The following BMPR1B variants were observed in gnomAD, a reference collection of about 807,000 sequenced individuals.
The protein encoded by BMPR1B is bone morphogenetic protein receptor type 1B, also known as bone morphogenetic protein receptor type-1B.
A neutral mutation model predicts 59.1 loss-of-function variants in BMPR1B; 12 were observed. That is an observed-to-expected ratio of 0.20 (90% CI 0.13 to 0.33). BMPR1B has a LOEUF of 0.33. Among genes scored for constraint, BMPR1B ranks in the 10% least tolerant of loss-of-function variants. BMPR1B has a pLI of 1.00. For synonymous variants in BMPR1B, 237 were observed against 207.3 expected (o/e 1.14, Z -1.23); for missense variants, 550 against 610.9 (o/e 0.90, Z 1.05).
intron 1 of BMPR1B, among the ~76,000 whole-genome samples, chr4:94,793,343 G>A (rs935700575): frequency 1.3e-5 from 2 of 151,754 alleles, no homozygotes; most frequent in African/African-American, 4.8e-5. Flanking sequence ...CAAAGGACAT[G>A]AACTCATCAT....
At chr4:94,846,951 G>A (rs1016139869) in intron 1 of BMPR1B, among the ~76,000 whole-genome samples, 5 of 152,126 alleles carry the variant, frequency 3.3e-5, no homozygotes, top group East Asian at 1.9e-4. Context: ...TGGACAAATG[G>A]CATTATATCA....
chr4:94,902,313 AC>A (rs1727864600), intron 2 of BMPR1B, among the ~76,000 whole-genome samples: 1 of 149,328 alleles, frequency 6.7e-6, no homozygotes, highest in Non-Finnish European at 1.5e-5. Context: ...AAAAAAACAA[AC>A]TGGAAATAAT....
intron 1 of BMPR1B, among the ~76,000 whole-genome samples, chr4:94,759,031 G>A (rs1256659810): frequency 6.6e-6 from 1 of 152,144 alleles, no homozygotes; most frequent in Non-Finnish European, 1.5e-5. Context: ...TCCAGGCTCC[G>A]TGTTTCCGCC....
intron 1 of BMPR1B, among the ~76,000 whole-genome samples, chr4:94,872,588 A>G (rs1305437521): frequency 6.6e-6 from 1 of 152,168 alleles, no homozygotes; most frequent in Non-Finnish European, 1.5e-5. Flanking sequence ...TTCTTTTATT[A>G]TCAAAGAAAA....
chr4:94,911,586 C>T (rs1168125319), intron 2 of BMPR1B, among the ~76,000 whole-genome samples: 2 of 152,124 alleles, frequency 1.3e-5, no homozygotes, highest in Non-Finnish European at 2.9e-5. Flanking sequence ...GAAAATTTTA[C>T]TGACCTCATG....
At chr4:95,150,594 C>T (rs756194401) in intron 11 of BMPR1B, among the ~76,000 whole-genome samples, 1 of 152,008 alleles carries the variant, frequency 6.6e-6, no homozygotes, top group Non-Finnish European at 1.5e-5. Context: ...CTAAAACAAA[C>T]AGGGCTACAG....
chr4:94,810,009 A>G (rs995009992), intron 1 of BMPR1B, among the ~76,000 whole-genome samples: 2 of 152,234 alleles, frequency 1.3e-5, no homozygotes, highest in African/African-American at 2.4e-5. Context: ...ATGAATTTAC[A>G]GTTTTTTTGA....
At chr4:95,008,195 C>T (rs1029179643) in intron 3 of BMPR1B, among the ~76,000 whole-genome samples, 1 of 152,116 alleles carries the variant, frequency 6.6e-6, no homozygotes. Context: ...ATATCTGTCT[C>T]ATACTGTACG....
chr4:95,121,205 A>AGGAATACAGCTAACCAAGGAGGT (rs1732499894), intron 6 of BMPR1B, among the ~76,000 whole-genome samples: 1 of 152,254 alleles, frequency 6.6e-6, no homozygotes, highest in South Asian at 2.1e-4. Flanking sequence ...TGAAATACAT[A>AGGAATACAGCTAACCAAGGAGGT]GGAATACAGC....
intron 1 of BMPR1B, among the ~76,000 whole-genome samples, chr4:94,813,908 C>CGAT (rs1560497375): frequency 6.6e-6 from 1 of 152,054 alleles, no homozygotes; most frequent in African/African-American, 2.4e-5. Flanking sequence ...GAAACAATAT[C>CGAT]AAAGCAAGGG....
chr4:95,054,530 C>CA (rs969750682), intron 3 of BMPR1B, among the ~76,000 whole-genome samples: 1 of 152,052 alleles, frequency 6.6e-6, no homozygotes, highest in African/African-American at 2.4e-5. Flanking sequence ...CTGTAATGGT[C>CA]AAAATCTGTA....
chr4:94,918,428 G>A (rs1328742624), intron 2 of BMPR1B, among the ~76,000 whole-genome samples: 3 of 152,142 alleles, frequency 2.0e-5, no homozygotes, highest in Non-Finnish European at 2.9e-5. Context: ...TGTAGTCTCA[G>A]CACTTTTGGA....
intron 3 of BMPR1B, among the ~76,000 whole-genome samples, chr4:95,031,093 A>G (rs1055346905): frequency 6.6e-6 from 1 of 152,126 alleles, no homozygotes; most frequent in Non-Finnish European, 1.5e-5. Flanking sequence ...ACAAAGCTGG[A>G]GGCATCACAC....
chr4:94,989,500 C>T (rs1721611091), intron 2 of BMPR1B, among the ~76,000 whole-genome samples: 1 of 151,980 alleles, frequency 6.6e-6, no homozygotes, highest in Non-Finnish European at 1.5e-5. Context: ...ATTACAATTT[C>T]AGTTACCTAA....
At chr4:94,967,096 T>G (rs967531597) in intron 2 of BMPR1B, among the ~76,000 whole-genome samples, 2 of 152,178 alleles carry the variant, frequency 1.3e-5, no homozygotes, top group Non-Finnish European at 2.9e-5. Flanking sequence ...TGACAAAATA[T>G]ATCCAAAGTT....
chr4:95,026,142 C>CTTTCTTTCTTTCTTTCTT (rs1724392788), intron 3 of BMPR1B, among the ~76,000 whole-genome samples: 2 of 146,832 alleles, frequency 1.4e-5, no homozygotes, highest in East Asian at 4.0e-4. Flanking sequence ...TTCTTTCTTT[C>CTTTCTTTCTTTCTTTCTT]TTTCTTTCTT....
At chr4:95,053,137 T>G (rs1361777273) in intron 3 of BMPR1B, among the ~76,000 whole-genome samples, 1 of 152,176 alleles carries the variant, frequency 6.6e-6, no homozygotes, top group African/African-American at 2.4e-5. Flanking sequence ...CCTTAGAATG[T>G]CCCTTAACAT....
intron 1 of BMPR1B, among the ~76,000 whole-genome samples, chr4:94,840,075 T>G (rs1158989090): frequency 6.6e-6 from 1 of 151,648 alleles, no homozygotes; most frequent in Non-Finnish European, 1.5e-5. Flanking sequence ...TCTTTAAGAA[T>G]GTTGAATATT....
Position 95,154,588 on chromosome 4 carries a change from C to T in BMPR1B, c.1424C>T (p.Ala475Val). Residue 475 changes from alanine to valine, a missense_variant, in exon 13 of 13, where the codon GCT becomes GTT. By Grantham distance (64) the Ala-to-Val change is moderately conservative. Around this residue, in one of 6 missense-constraint regions of BMPR1B, gnomAD observed 123 missense variants for 164.6 expected, o/e 0.75. Coordinates refer to ENST00000515059, the MANE Select transcript of BMPR1B (RefSeq NM_001203.3). The stretch of plus-strand genomic sequence containing the variant: ...GGAAAACTCATGACAGAATGCTGGG[C>T]TCACAATCCTGCATCAAGGCTGACA... Reference protein sequence around the residue: ...QMGKLMTECWAHNPASRLTAL... With the variant: ...QMGKLMTECWVHNPASRLTAL... The T allele has an allele frequency of 6.2e-7, 1 of 1,614,082 alleles. No individual in the cohort carries two copies. The highest frequency in any genetic ancestry group is 8.5e-7 in the Non-Finnish European group (1 of 1,179,946).
Sources: gnomAD v4.1 joint callset for allele counts (sites outside exome capture counted in the v4.1 genomes callset) on GRCh38, gnomAD v4.1.1 for gene constraint, gnomAD v4.1.1 regional missense constraint, MANE v1.5 for transcripts, NCBI Gene and HGNC (gene_info 2026-07-23, HGNC 2026-07-21) for gene names.